The following PEBP1 variants were observed in gnomAD, a reference collection of about 807,000 sequenced individuals.
The protein encoded by PEBP1 is phosphatidylethanolamine binding protein 1.
PEBP1 carries 17 observed loss-of-function variants against 22.7 expected under a neutral mutation model. That is an observed-to-expected ratio of 0.75 (90% CI 0.51 to 1.12). The LOEUF is 1.12. PEBP1 is among the 50% of genes most tolerant of loss of function. The probability of loss-of-function intolerance (pLI) is 0.00; values close to 1 mark genes in which losing one functional copy is unlikely to be tolerated. For synonymous variants in PEBP1, 106 were observed against 104.3 expected (o/e 1.02, Z -0.10); for missense variants, 205 against 243.5 (o/e 0.84, Z 1.05).
Position 118,138,038 on chromosome 12 carries a change from G to A in PEBP1, c.136-1G>A. 6.2e-7 allele frequency: 1 copy of A among 1,609,760 alleles called. No individual in the cohort carries two copies. The highest frequency in any genetic ancestry group is 8.5e-7 in the Non-Finnish European group (1 of 1,176,710). ...TACTGCAAACTGGTTCCTTCATACA[G>A]GTTAAGAATAGACCCACCAGCATTT... On this transcript the variant is annotated splice_acceptor_variant, in intron 1 of 3. Transcript: ENST00000261313. LOFTEE classifies it high-confidence loss of function.
rs148239219 is a variant in PEBP1 at position 118,142,477 on chromosome 12, G to A, written c.347-2109G>A. Among the ~76,000 whole-genome samples the A allele has an allele frequency of 1.8e-3, 270 of 151,508 alleles. 2 individuals carry two copies. The highest frequency in any genetic ancestry group is 0.016 in the East Asian group (84 of 5,138). On this transcript the variant is annotated intron_variant, in intron 3 of 3. Transcript: ENST00000261313. ...CAAAGTGCTGGGATTACAGGCAAGA[G>A]CCACCATGCCTGGCAAAATTTACCA...
At chr12:118,141,469 C>G (rs2034113767) in intron 3 of PEBP1, among the ~76,000 whole-genome samples, 1 of 152,226 alleles carries the variant, frequency 6.6e-6, no homozygotes, top group South Asian at 2.1e-4. Flanking sequence ...CACGGTGGCT[C>G]ACGCCTATAA....
intron 3 of PEBP1, among the ~76,000 whole-genome samples, chr12:118,141,848 T>C (rs1461846992): frequency 6.6e-6 from 1 of 152,238 alleles, no homozygotes; most frequent in East Asian, 1.9e-4. Flanking sequence ...TTACCCCTTT[T>C]TATTGCTCAG....
chr12:118,144,317 G>A (rs146639341), intron 3 of PEBP1, among the ~76,000 whole-genome samples: 2,072 of 152,246 alleles, frequency 0.014, 48 homozygotes, highest in African/African-American at 0.047. Flanking sequence ...GGAGAGGCTG[G>A]AACTAAGGGC....
intron 3 of PEBP1, among the ~76,000 whole-genome samples, chr12:118,141,627 G>A (rs2034115129): frequency 1.3e-5 from 2 of 152,204 alleles, no homozygotes; most frequent in African/African-American, 4.8e-5. Flanking sequence ...CCAGCCACCT[G>A]TGGGGCTGAG....
rs770947503 is a variant in PEBP1, at chr12:118,144,593, C to T, written c.354C>T (p.His118=). The T allele has an allele frequency of 6.2e-7, 1 of 1,612,706 alleles. No individual in the cohort carries two copies. The highest frequency in any genetic ancestry group is 8.5e-7 in the Non-Finnish European group (1 of 1,179,420). The change falls in exon 4 of 4, where the codon CAC becomes CAT. Residue 118 remains histidine, a synonymous_variant. Transcript: ENST00000261313. ...CTCTGCCTCTCCCCACAGGCCTCCA[C>T]CGCTATGTCTGGCTGGTTTACGAGC... ...GSGPPKGTGL[H]RYVWLVYEQD... is the part of the protein sequence containing the mutation.
chr12:118,145,204 G>T lies in PEBP1; in HGVS notation c.*401G>T. On this transcript the variant is annotated 3_prime_UTR_variant, in exon 4 of 4. Transcript: ENST00000261313. Reference sequence around the variant, plus strand: ...AAAAAAAAAAAGATTGGTTGCCTCTGCCTTTGTGATCCTGAGTCCAGAATG... The same window carrying T: ...AAAAAAAAAAAGATTGGTTGCCTCTTCCTTTGTGATCCTGAGTCCAGAATG... 1 of 370,428 alleles carries T rather than the reference G, an allele frequency of 2.7e-6. No individual in the cohort carries two copies. Among genetic ancestry groups the T allele is most frequent in the Non-Finnish European group, 5.1e-6 (1 of 197,762 alleles). The allele number at this position is 370,428 out of a possible 1,614,324, so 22.9% of individuals were successfully genotyped here.
Position 118,139,125 on chromosome 12 carries a change from C to T in PEBP1, c.246-326C>T, listed in dbSNP as rs550305613. The T allele has an allele frequency of 2.4e-4, 73 of 309,674 alleles. 2 individuals are homozygous for T. The highest frequency in any genetic ancestry group is 1.8e-3 in the South Asian group (72 of 39,324). The allele number at this position is 309,674 out of a possible 1,614,324, so 19.2% of individuals were successfully genotyped here. A position where few individuals can be genotyped will look rare whatever the true frequency, so the allele number is the denominator to read the frequency against. ...GTCAGGAGTTCAAGACCAGTCTGGC[C>T]AACATGGTGAAACCCCGTCTCTACT... On this transcript the variant is annotated intron_variant, in intron 2 of 3. Coordinates refer to ENST00000261313, the MANE Select transcript of PEBP1 (RefSeq NM_002567.4).
rs775827138 is a variant in PEBP1, at chr12:118,144,795, G to A, written c.556G>A (p.Gly186Arg). 6.2e-7 allele frequency: 1 copy of A among 1,614,052 alleles called. No homozygotes were observed. The highest frequency in any genetic ancestry group is 1.1e-5 in the South Asian group (1 of 91,082). ...GCCCAAACTGTACGAGCAGCTGTCT[G>A]GGAAGTAGGGGGTTAGCTTGGGGAC... ...YVPKLYEQLS[G>R]K is the part of the protein sequence containing the mutation. Residue 186 changes from glycine (G) to arginine (R), a missense_variant, in exon 4 of 4, where the codon GGG (glycine) becomes AGG (arginine). By Grantham distance (125) the Gly-to-Arg change is moderately radical. Transcript: ENST00000261313.
Position 118,138,083 on chromosome 12 carries a change from A to T in PEBP1, c.180A>T (p.Ser60=), listed in dbSNP as rs757699199. The change falls in exon 2 of 4, where the codon TCA becomes TCT. Residue 60 remains serine (S), a synonymous_variant. Coordinates refer to ENST00000261313, the MANE Select transcript of PEBP1 (RefSeq NM_002567.4). ...GCATTTCGTGGGATGGTCTTGATTCAGGGAAGCTCTACACCTTGGTCCTGA... is the reference window on the plus strand; with the variant it reads ...GCATTTCGTGGGATGGTCTTGATTCTGGGAAGCTCTACACCTTGGTCCTGA... The part of the protein sequence containing the change: ...PTSISWDGLD[S]GKLYTLVLTD... 3 of 1,613,740 alleles carry T rather than the reference A, an allele frequency of 1.9e-6. No individual in the cohort carries two copies. The highest frequency in any genetic ancestry group is 1.7e-5 in the Admixed American group (1 of 59,964).
intron 2 of PEBP1, 70 bp from the exon 3 acceptor site, chr12:118,139,381 C>A: frequency 1.0e-6 from 1 of 998,010 alleles, no homozygotes; most frequent in Non-Finnish European, 1.6e-6. Context: ...TCTTGATGCC[C>A]AGTTGCTGAC....
chr12:118,137,961 A>T (rs1186766736), intron 1 of PEBP1, 78 bp from the exon 2 acceptor site: 6 of 927,650 alleles, frequency 6.5e-6, no homozygotes, highest in Non-Finnish European at 1.0e-5. Flanking sequence ...TGCTGGGATT[A>T]CAGGCGTGAG....
chr12:118,136,487 C>T lies in PEBP1; in HGVS notation c.135+143C>T. 1.9e-6 allele frequency: 2 copies of T among 1,050,212 alleles called. No homozygotes were observed. The highest frequency in any genetic ancestry group is 3.2e-4 in the Middle Eastern group (1 of 3,164). The allele number at this position is 1,050,212 out of a possible 1,614,324, so 65.1% of individuals were successfully genotyped here. On this transcript the variant is annotated intron_variant, in intron 1 of 3. Coordinates refer to ENST00000261313, the MANE Select transcript of PEBP1 (RefSeq NM_002567.4). The surrounding 1 kb of genome is among the most constrained non-coding windows in gnomAD (Gnocchi z 5.6). ...TCGAGGCCCCCCCAGGCCAGAGGTC[C>T]CGGGGTCCATGTCCCATGCCTGGGG...
At chr12:118,139,003 TC>T (rs1258139363) in intron 2 of PEBP1, 2 of 169,376 alleles carry the variant, frequency 1.2e-5, no homozygotes, top group Non-Finnish European at 2.6e-5. Flanking sequence ...CACATGAGGT[TC>T]GTGCTGGCCT....
At chr12:118,140,783 C>T (rs1436022439) in intron 3 of PEBP1, among the ~76,000 whole-genome samples, 4 of 152,140 alleles carry the variant, frequency 2.6e-5, no homozygotes, top group Non-Finnish European at 5.9e-5. Context: ...TGTGATCTAC[C>T]TGCCTCGGTC....
chr12:118,139,478 C>A lies in PEBP1; in HGVS notation c.273C>A (p.Asn91Lys). Residue 91 changes from asparagine to lysine, a missense_variant, in exon 3 of 4, where the codon AAC (asparagine) becomes AAA (lysine). Physicochemically the swap from Asn to Lys is moderately conservative, Grantham distance 94. Transcript: ENST00000261313. ...AATGGCATCATTTCCTGGTGGTCAA[C>A]ATGAAGGGCAATGACATCAGCAGTG... ...YREWHHFLVV[N>K]MKGNDISSGT... is the part of the protein sequence containing the mutation. 6.2e-7 allele frequency: 1 copy of A among 1,612,856 alleles called. No individual in the cohort carries two copies. Among genetic ancestry groups the A allele is most frequent in the Non-Finnish European group, 8.5e-7 (1 of 1,179,670 alleles).
intron 3 of PEBP1, among the ~76,000 whole-genome samples, chr12:118,143,255 C>T (rs933392182): frequency 6.6e-6 from 1 of 152,300 alleles, no homozygotes; most frequent in Non-Finnish European, 1.5e-5. Context: ...TTCCCCTAGC[C>T]CTGGCAGCCA....
chr12:118,142,951 C>G (rs1184583746), intron 3 of PEBP1, among the ~76,000 whole-genome samples: 1 of 150,348 alleles, frequency 6.7e-6, no homozygotes, highest in African/African-American at 2.5e-5. Flanking sequence ...CTCAAGCAAC[C>G]CTCCTACCTC....
At chr12:118,138,433 C>CA (rs1208739126) in intron 2 of PEBP1, among the ~76,000 whole-genome samples, 1 of 152,048 alleles carries the variant, frequency 6.6e-6, no homozygotes, top group African/African-American at 2.4e-5. Flanking sequence ...GACAGAGTCT[C>CA]AGTCACCCAG....
Sources: allele counts gnomAD v4.1 joint callset (sites outside exome capture counted in the v4.1 genomes callset), GRCh38; gene constraint gnomAD v4.1.1; non-coding constraint Gnocchi (gnomAD v3.1); transcripts MANE v1.5; gene names NCBI Gene and HGNC (gene_info 2026-07-23, HGNC 2026-07-21).